Variants in FBN2 observed in about 807,000 individuals in gnomAD.
FBN2 encodes fibrillin-2.
In FBN2, 105 loss-of-function variants were observed where a neutral mutation model predicts 355.6. That is an observed-to-expected ratio of 0.30 (90% CI 0.25 to 0.35). The LOEUF is 0.35. Ranked by LOEUF, FBN2 falls within the 10% of genes least tolerant of loss-of-function variation. FBN2 has a pLI of 1.00. For missense variants in FBN2, 3,280 were observed against 3,758.7 expected (o/e 0.87, Z 3.33); for synonymous variants, 1,350 against 1,301.2 (o/e 1.04, Z -0.81).
intron 61 of FBN2, 81 bp from the exon 62 acceptor site, chr5:128,272,199 A>T: frequency 6.7e-7 from 1 of 1,497,596 alleles, no homozygotes; most frequent in Non-Finnish European, 9.3e-7. Context: ...AACCTGGGGT[A>T]ACTGTTATCA....
chr5:128,322,703 T>G (rs1438634726), intron 34 of FBN2, among the ~76,000 whole-genome samples: 1 of 152,240 alleles, frequency 6.6e-6, no homozygotes, highest in Admixed American at 6.5e-5. Context: ...TAGGATAGTT[T>G]GAAGTCAGGT....
In FBN2 at chr5:128,338,394, A is replaced by G. The variant is rs550031908; in HGVS notation, c.3473-272T>C. Among the ~76,000 whole-genome samples the G allele has an allele frequency of 5.9e-5, 9 of 152,350 alleles. No individual in the cohort carries two copies. In the East Asian group the frequency reaches 1.7e-3, roughly 29 times the overall value. On this transcript the variant is annotated intron_variant, in intron 26 of 64. Coordinates refer to ENST00000262464, the MANE Select transcript of FBN2 (RefSeq NM_001999.4). ...TAGAAATACATAATATTTGCTTTAT[A>G]TCACCACGGACTCATGATATATTGT...
intron 18 of FBN2, among the ~76,000 whole-genome samples, chr5:128,362,613 C>T: frequency 6.6e-6 from 1 of 152,188 alleles, no homozygotes; most frequent in South Asian, 2.1e-4. Context: ...CAGGCATGTG[C>T]CACCACGCCT....
At chr5:128,415,183 A>C (rs899447916) in intron 7 of FBN2, among the ~76,000 whole-genome samples, 2 of 152,090 alleles carry the variant, frequency 1.3e-5, no homozygotes, top group Non-Finnish European at 2.9e-5. Flanking sequence ...TCACATCTTG[A>C]CTATCATTTC....
intron 7 of FBN2, chr5:128,446,165 G>T: frequency 7.7e-6 from 2 of 259,486 alleles, no homozygotes; most frequent in Non-Finnish European, 1.5e-5. Flanking sequence ...CTCAATTTTC[G>T]TTTTTGATAT....
chr5:128,311,537 A>AC, intron 38 of FBN2, 112 bp from the exon 39 acceptor site: 1 of 1,138,876 alleles, frequency 8.8e-7, no homozygotes. Context: ...TATGCATCCA[A>AC]ATGAACGCAC....
intron 8 of FBN2, among the ~76,000 whole-genome samples, chr5:128,396,797 T>C (rs1197509889): frequency 6.6e-6 from 1 of 152,202 alleles, no homozygotes; most frequent in Non-Finnish European, 1.5e-5. Context: ...CAAGATGCTT[T>C]CAAAGTTGTT....
chr5:128,276,033 C>G lies in FBN2; in HGVS notation c.7594+5G>C. On this transcript the variant is annotated splice_donor_5th_base_variant and intron_variant, in intron 59 of 64. Coordinates refer to ENST00000262464, the MANE Select transcript of FBN2 (RefSeq NM_001999.4). ...GGTCACGATTGTCAGAGACTCTTCA[C>G]TCACCTTTGCATGTCTTTCCATCCT... 1 of 1,613,672 alleles carries G rather than the reference C, an allele frequency of 6.2e-7. No homozygotes were observed.
At chr5:128,456,260 A>G (rs1299743950) in intron 6 of FBN2, among the ~76,000 whole-genome samples, 1 of 151,642 alleles carries the variant, frequency 6.6e-6, no homozygotes, top group Non-Finnish European at 1.5e-5. Flanking sequence ...ATCTCCGATA[A>G]CTCCAGCCAG....
intron 64 of FBN2, 63 bp downstream of exon 64, chr5:128,261,673 G>A: frequency 3.4e-6 from 5 of 1,478,146 alleles, no homozygotes; most frequent in East Asian, 2.3e-5. Flanking sequence ...GACGTGAACT[G>A]CACTGTATAC....
At chr5:128,337,497 G>A (rs1203169566) in intron 27 of FBN2, among the ~76,000 whole-genome samples, 1 of 152,218 alleles carries the variant, frequency 6.6e-6, no homozygotes, top group Non-Finnish European at 1.5e-5. Flanking sequence ...CCAGTCATTA[G>A]TCTTCTCATA....
At chr5:128,307,050 A>G in intron 42 of FBN2, 85 bp downstream of exon 42, 1 of 857,408 alleles carries the variant, frequency 1.2e-6, no homozygotes. Context: ...ATTTTGTGGT[A>G]CTCTTGAATT....
Position 128,345,572 on chromosome 5 carries a change from T to C in FBN2, c.3002A>G (p.Glu1001Gly), listed in dbSNP as rs1255696984. The C allele has an allele frequency of 6.2e-7, 1 of 1,612,618 alleles. No individual in the cohort carries two copies. The highest frequency in any genetic ancestry group is 2.2e-5 in the East Asian group (1 of 44,742). Residue 1001 changes from glutamate (E) to glycine (G), a missense_variant, in exon 24 of 65, where the codon GAG becomes GGG. Physicochemically the swap from Glu to Gly is moderately conservative, Grantham distance 98. This residue lies in a region of FBN2 where 2,284 missense variants were observed against 2,749.5 expected (regional missense o/e 0.83). Transcript: ENST00000262464. ...TTCATCCCACTTCAAGTAACACTGC[T>C]CCATGCGAATATCTACACCGAGAAC... ...TGRVCLDIRMEQCYLKWDEDE... is the reference protein window; with the variant it reads ...TGRVCLDIRMGQCYLKWDEDE...
intron 7 of FBN2, among the ~76,000 whole-genome samples, chr5:128,418,422 A>G (rs1753260388): frequency 6.6e-6 from 1 of 151,854 alleles, no homozygotes; most frequent in African/African-American, 2.4e-5. Flanking sequence ...TAGTTCCTTG[A>G]GGTGCATCAT....
At chr5:128,505,346 G>A (rs1383073456) in intron 5 of FBN2, among the ~76,000 whole-genome samples, 2 of 152,134 alleles carry the variant, frequency 1.3e-5, no homozygotes, top group African/African-American at 4.8e-5. Flanking sequence ...ATCCCTCACT[G>A]TGTTTCCCTA....
In FBN2 at chr5:128,392,167, TA is replaced by T. The variant is rs1409700449; in HGVS notation, c.1466-13del. 1 of 1,610,380 alleles carries T rather than the reference TA, an allele frequency of 6.2e-7. No homozygotes were observed. Among genetic ancestry groups the T allele is most frequent in the Non-Finnish European group, 8.5e-7 (1 of 1,177,046 alleles). On this transcript the variant is annotated splice_polypyrimidine_tract_variant and intron_variant, in intron 10 of 64. Transcript: ENST00000262464. ...CTGGTTCAGAATTGCTACGGAAAATTAAAGCACAATTATATTTAATCATTAC... is the reference window on the plus strand; with the variant it reads ...CTGGTTCAGAATTGCTACGGAAAATTAAGCACAATTATATTTAATCATTAC...
At chr5:128,409,568 G>A (rs1375947656) in intron 7 of FBN2, among the ~76,000 whole-genome samples, 4 of 152,156 alleles carry the variant, frequency 2.6e-5, no homozygotes, top group Non-Finnish European at 4.4e-5. Context: ...AGAGAGGTGG[G>A]AAGTCTAACA....
chr5:128,537,594 T>C lies in FBN2; in HGVS notation c.10A>G (p.Arg4Gly), dbSNP rs1167203759. Residue 4 changes from arginine (R) to glycine (G), a missense_variant, in exon 1 of 65, where the codon AGA (arginine) becomes GGA (glycine). Transcript: ENST00000262464. ...TAGAGCTGGAGACACAGCCTCCGTC[T>C]TCTCCCCATCGCCGGCGCCGAAAGC... is the stretch of plus-strand genomic sequence containing the variant. MGR[R>G]RRLCLQLYFL... is the part of the protein sequence containing the mutation. 1.2e-6 allele frequency: 2 copies of C among 1,607,804 alleles called. No individual in the cohort carries two copies. The highest frequency in any genetic ancestry group is 1.1e-5 in the South Asian group (1 of 90,478).
At position 128,311,527 on chromosome 5, in the gene FBN2, T is replaced by C. The variant is rs571121955; in HGVS notation, c.4949-102A>G. ...TGTGATCTTGTAAGAATCAGATTTCTATGCATCCAAATGAACGCACACTTA... is the reference window on the plus strand; with the variant it reads ...TGTGATCTTGTAAGAATCAGATTTCCATGCATCCAAATGAACGCACACTTA... On this transcript the variant is annotated intron_variant, in intron 38 of 64. Transcript: ENST00000262464. 4.4e-5 allele frequency: 57 copies of C among 1,282,672 alleles called. No homozygotes were observed. The African/African-American group carries it at 6.7e-4, about 15-fold the overall frequency. The allele number at this position is 1,282,672 out of a possible 1,614,324, so 79.5% of individuals were successfully genotyped here. A position where few individuals can be genotyped will look rare whatever the true frequency, so the allele number is the denominator to read the frequency against.
Sources: gnomAD v4.1 joint callset for allele counts (sites outside exome capture counted in the v4.1 genomes callset) on GRCh38, gnomAD v4.1.1 for gene constraint, gnomAD v4.1.1 regional missense constraint, MANE v1.5 for transcripts, NCBI Gene and HGNC (gene_info 2026-07-23, HGNC 2026-07-21) for gene names.